NUP214: variants seen among roughly 807,000 people sequenced by gnomAD.
NUP214 encodes the protein nuclear pore complex protein Nup214.
A neutral mutation model predicts 196.2 loss-of-function variants in NUP214; 79 were observed. The ratio of observed to expected loss-of-function variants is 0.40; its 90% CI spans 0.34 to 0.49. The LOEUF (loss-of-function observed/expected upper bound fraction) is 0.49. Among genes scored for constraint, NUP214 ranks in the 20% least tolerant of loss-of-function variants. NUP214 has a pLI of 0.58. For missense variants in NUP214, 2,468 were observed against 2,539.0 expected, an observed-to-expected ratio of 0.97 and a Z score of 0.60; for synonymous variants, 1,020 against 990.5, an observed-to-expected ratio of 1.03 and a Z score of -0.56.
intron 11 of NUP214, chr9:131,141,551 A>G (rs891891875): frequency 7.8e-5 from 11 of 141,804 alleles, no homozygotes; most frequent in African/African-American, 2.9e-4. Context: ...TGGCATGACC[A>G]CAGCTCACTG....
At chr9:131,204,117 A>G (rs1342797166) in intron 30 of NUP214, among the ~76,000 whole-genome samples, 1 of 152,166 alleles carries the variant, frequency 6.6e-6, no homozygotes, top group Non-Finnish European at 1.5e-5. Flanking sequence ...CCTCAATGAG[A>G]CACACAAGGA....
At chr9:131,195,182 A>G (rs1833738811) in intron 27 of NUP214, 51 bp from the exon 28 acceptor site, 1 of 1,291,050 alleles carries the variant, frequency 7.7e-7, no homozygotes, top group South Asian at 1.2e-5. Context: ...TAAGAGGGCA[A>G]TATTGTGCCT....
rs562015405 is a variant in NUP214, at chr9:131,166,234, A to G, written c.2893+2090A>G. ...ACACATGCCTTATAAAGACAGCACA[A>G]TATTTCCTTGTATTAGAAGGCCATA... On this transcript the variant is annotated intron_variant, in intron 21 of 35. Transcript: ENST00000359428. Among the ~76,000 whole-genome samples the G allele has an allele frequency of 5.9e-5, 9 of 152,336 alleles. No homozygotes were observed. In the South Asian group the frequency reaches 1.7e-3, roughly 28 times the overall value.
chr9:131,164,043 T>C lies in NUP214; in HGVS notation c.2810-18T>C, dbSNP rs886591390. On this transcript the variant is annotated intron_variant, in intron 20 of 35. Coordinates refer to ENST00000359428, the MANE Select transcript of NUP214 (RefSeq NM_005085.4). The stretch of plus-strand genomic sequence containing the variant: ...AAACTGAGTCTTAATCATTTATGGG[T>C]TTATGGATTTCTTGCAGCCAAACTG... 1 of 1,613,872 alleles carries C rather than the reference T, an allele frequency of 6.2e-7. No individual in the cohort carries two copies. The highest frequency in any genetic ancestry group is 8.5e-7 in the Non-Finnish European group (1 of 1,179,952).
At chr9:131,130,161 T>TTTTTTTTTTTTTTTTTTTTTTTTTTTTG (rs1554728091) in intron 4 of NUP214, among the ~76,000 whole-genome samples, 1 of 136,412 alleles carries the variant, frequency 7.3e-6, no homozygotes, top group South Asian at 2.6e-4. Context: ...GTTTTTTTTT[T>TTTTTTTTTTTTTTTTTTTTTTTTTTTTG]GAGACAGAGT....
intron 31 of NUP214, among the ~76,000 whole-genome samples, chr9:131,219,160 A>T (rs1834485545): frequency 6.6e-6 from 1 of 152,124 alleles, no homozygotes; most frequent in Non-Finnish European, 1.5e-5. Flanking sequence ...ACCACTTCTT[A>T]CAACAGTGCT....
At chr9:131,191,883 C>A in intron 26 of NUP214, 1 of 177,648 alleles carries the variant, frequency 5.6e-6, no homozygotes, top group Non-Finnish European at 1.2e-5. Context: ...TTTCCCATAC[C>A]ATTGAAATAT....
intron 21 of NUP214, among the ~76,000 whole-genome samples, chr9:131,171,682 T>G (rs138208785): frequency 0.099 from 14,989 of 151,976 alleles, 983 homozygotes; most frequent in Non-Finnish European, 0.14. Context: ...TAGGTATATC[T>G]CCTAATGCTA....
rs757018129 is a variant in NUP214, at chr9:131,150,704, T to C, written c.2216T>C (p.Met739Thr). Residue 739 changes from methionine (M) to threonine (T), a missense_variant, in exon 16 of 36, where the codon ATG (methionine) becomes ACG (threonine). Around this residue, in one of 5 missense-constraint regions of NUP214, gnomAD observed 1,801 missense variants for 1,779.4 expected, o/e 1.01. Coordinates refer to ENST00000359428, the MANE Select transcript of NUP214 (RefSeq NM_005085.4). ...GTGGGCACTTCTGAGGAGATGAAGA[T>C]GCTGCGAACAGAATCAGATGACTTG... ...FQVGTSEEMK[M>T]LRTESDDLHT... The C allele has an allele frequency of 6.2e-6, 10 of 1,614,224 alleles. No individual in the cohort carries two copies. The highest frequency in any genetic ancestry group is 7.6e-6 in the Non-Finnish European group (9 of 1,180,026).
intron 5 of NUP214, 50 bp downstream of exon 5, chr9:131,130,886 T>C: frequency 6.8e-7 from 1 of 1,479,540 alleles, no homozygotes; most frequent in Non-Finnish European, 9.4e-7. Context: ...GCCCACTTTT[T>C]TGGGGGTGGT....
chr9:131,187,145 T>A, intron 24 of NUP214, 144 bp from the exon 25 acceptor site: 1 of 622,946 alleles, frequency 1.6e-6, no homozygotes, highest in Non-Finnish European at 2.8e-6. Flanking sequence ...AAAAAAAATG[T>A]CAAATCAGTT....
At chr9:131,140,341 G>C (rs1434390984) in intron 10 of NUP214, among the ~76,000 whole-genome samples, 1 of 152,152 alleles carries the variant, frequency 6.6e-6, no homozygotes, top group Non-Finnish European at 1.5e-5. Context: ...GGGCCCAGCA[G>C]GGTGGTGGCG....
At chr9:131,192,352 C>G in intron 27 of NUP214, 60 bp downstream of exon 27, 1 of 976,524 alleles carries the variant, frequency 1.0e-6, no homozygotes, top group Non-Finnish European at 1.6e-6. Context: ...CCAAATCTTA[C>G]AATTATAGAT....
chr9:131,150,763 G>A lies in NUP214; in HGVS notation c.2275G>A (p.Glu759Lys). 1 of 1,606,088 alleles carries A rather than the reference G, an allele frequency of 6.2e-7. No homozygotes were observed. The highest frequency in any genetic ancestry group is 8.5e-7 in the Non-Finnish European group (1 of 1,177,882). ...TFLLEIKETT[E>K]SLHGDISSLK... ...TCTTTTGGAGATTAAAGAGACCACA[G>A]AGGTTTGTGTTTATGGATACTTTTC... Residue 759 changes from glutamate to lysine, a missense_variant and splice_region_variant, in exon 16 of 36, where the codon GAG becomes AAG. This residue lies in a region of NUP214 where 1,801 missense variants were observed against 1,779.4 expected (regional missense o/e 1.01). Transcript: ENST00000359428.
In NUP214 at chr9:131,234,319, C is replaced by T. The variant is rs1427702895; in HGVS notation, c.*832C>T. ...TGGGTAGACCCAGGAAGTGTGAAGA[C>T]AGACACTGCTGTTGCCAGACAACAC... On this transcript the variant is annotated 3_prime_UTR_variant, in exon 36 of 36. Transcript: ENST00000359428. The T allele has an allele frequency of 8.6e-6, 2 of 232,862 alleles. No homozygotes were observed. The highest frequency in any genetic ancestry group is 6.0e-5 in the East Asian group (1 of 16,548). 14.4% of individuals were successfully genotyped at this position (232,862 alleles called of 1,614,324 possible).
intron 9 of NUP214, chr9:131,136,931 A>G (rs868378503): frequency 6.6e-6 from 1 of 152,222 alleles, no homozygotes; most frequent in African/African-American, 2.4e-5. Flanking sequence ...TCTCCTCCCC[A>G]CATGGATACT....
rs575469705 is a variant in NUP214, at chr9:131,182,524, GT to G, written c.3419+4117del. 5.6e-3 allele frequency among the ~76,000 whole-genome samples: 846 copies of G among 152,338 alleles called. 5 individuals are homozygous for G. Among genetic ancestry groups the G allele is most frequent in the Non-Finnish European group, 9.5e-3 (644 of 68,030 alleles). ...TAGCCTGATGATCTGAGGTGAAACA[GT>G]TTCATCCTGAAACCATCCCCCTCCG... On this transcript the variant is annotated intron_variant, in intron 24 of 35. Transcript: ENST00000359428.
chr9:131,205,480 C>G (rs1325093843), intron 30 of NUP214, among the ~76,000 whole-genome samples: 1 of 152,128 alleles, frequency 6.6e-6, no homozygotes, highest in African/African-American at 2.4e-5. Context: ...CAAATCTACC[C>G]TGAATATGTA....
intron 5 of NUP214, 108 bp downstream of exon 5, chr9:131,130,944 A>G (rs1168040664): frequency 1.3e-6 from 1 of 770,440 alleles, no homozygotes; most frequent in African/African-American, 1.7e-5. Flanking sequence ...ATTTATACTC[A>G]TTGTAACAAA....
Sources: allele counts gnomAD v4.1 joint callset (sites outside exome capture counted in the v4.1 genomes callset), GRCh38; gene constraint gnomAD v4.1.1; regional missense constraint gnomAD v4.1.1; transcripts MANE v1.5; gene names NCBI Gene and HGNC (gene_info 2026-07-23, HGNC 2026-07-21).